The following RIMS2 variants were observed in gnomAD, a reference collection of about 807,000 sequenced individuals.
The protein encoded by RIMS2 is regulating synaptic membrane exocytosis 2.
In RIMS2, 59 loss-of-function variants were observed where a neutral mutation model predicts 174.4. The observed-to-expected ratio is 0.34, with a 90% confidence interval of 0.27 to 0.42. RIMS2 has a LOEUF of 0.42. Among genes scored for constraint, RIMS2 ranks in the 10% least tolerant of loss-of-function variants. RIMS2 has a pLI of 1.00. For missense variants in RIMS2, 1,620 were observed against 1,666.3 expected, an observed-to-expected ratio of 0.97 and a Z score of 0.48; for synonymous variants, 606 against 572.5, an observed-to-expected ratio of 1.06 and a Z score of -0.84.
At chr8:103,846,969 A>C (rs967073434) in intron 3 of RIMS2, among the ~76,000 whole-genome samples, 1 of 152,106 alleles carries the variant, frequency 6.6e-6, no homozygotes, top group African/African-American at 2.4e-5. Flanking sequence ...CTGAATGTCA[A>C]ACATATCCTC....
intron 1 of RIMS2, among the ~76,000 whole-genome samples, chr8:103,612,743 T>A (rs1230541921): frequency 6.6e-6 from 1 of 152,132 alleles, no homozygotes; most frequent in Non-Finnish European, 1.5e-5. Flanking sequence ...CATGCCTGGC[T>A]GATTTTTTAG....
intron 3 of RIMS2, among the ~76,000 whole-genome samples, chr8:103,773,321 A>G (rs982270065): frequency 6.6e-6 from 1 of 152,254 alleles, no homozygotes; most frequent in African/African-American, 2.4e-5. Context: ...AAATTCATTA[A>G]CTTAAAATAA....
rs543914316 is a variant in RIMS2 at position 103,860,971 on chromosome 8, A to G, written c.699-24327A>G. 3.9e-5 allele frequency among the ~76,000 whole-genome samples: 6 copies of G among 151,982 alleles called. 1 individual carries two copies. In the South Asian group the frequency reaches 1.2e-3, roughly 32 times the overall value. ...AGTAGGTTATATTTTTTCTTTTTAT[A>G]TTTTGTTTTTATTTTTTATTTTATT... On this transcript the variant is annotated intron_variant, in intron 3 of 23. Transcript: ENST00000504942.
In RIMS2 at chr8:104,044,088, A is replaced by AG. The variant is rs950729401; in HGVS notation, c.3334+29474dup. Among the ~76,000 whole-genome samples, 45 of 151,630 alleles carry AG rather than the reference A, an allele frequency of 3.0e-4. 1 individual carries two copies. Among genetic ancestry groups the AG allele is most frequent in the African/African-American group, 1.1e-3 (44 of 41,378 alleles). ...CCCCTCAGAATGTTTCCCTCAGGGA[A>AG]GATAGTATTCTTGAAGGGTCAACAT... On this transcript the variant is annotated intron_variant, in intron 19 of 23. Coordinates refer to ENST00000504942, the Ensembl canonical transcript of RIMS2.
chr8:103,961,324 G>T (rs767032900), intron 15 of RIMS2, among the ~76,000 whole-genome samples, 191 bp downstream of exon 17: 4 of 151,998 alleles, frequency 2.6e-5, no homozygotes, highest in Non-Finnish European at 4.4e-5. Context: ...CAATTAGATT[G>T]GATAGTCTTG....
intron 2 of RIMS2, among the ~76,000 whole-genome samples, chr8:103,710,555 G>C (rs1289711254): frequency 2.0e-5 from 3 of 152,092 alleles, no homozygotes; most frequent in Admixed American, 6.5e-5. Flanking sequence ...TTATTGGATA[G>C]TGATGTTAGA....
At chr8:104,162,785 AG>A (rs1162968510) in intron 19 of RIMS2, among the ~76,000 whole-genome samples, 2 of 152,216 alleles carry the variant, frequency 1.3e-5, no homozygotes, top group Admixed American at 6.5e-5. Flanking sequence ...TTTAATTCTG[AG>A]CCAAGAAATA....
chr8:104,204,543 A>C (rs1341193338), intron 19 of RIMS2, among the ~76,000 whole-genome samples: 1 of 151,878 alleles, frequency 6.6e-6, no homozygotes, highest in Non-Finnish European at 1.5e-5. Flanking sequence ...TATATTAAAA[A>C]ATTTACAGAG....
intron 9 of RIMS2, 42 bp from the exon 13 acceptor site, chr8:103,921,630 A>G (rs1208378660): frequency 4.9e-6 from 4 of 815,134 alleles, no homozygotes; most frequent in Non-Finnish European, 8.8e-6. Context: ...ATACTTGTGA[A>G]GAGCCATTGT....
chr8:103,920,134 G>A (rs957264919), intron 9 of RIMS2, among the ~76,000 whole-genome samples: 1 of 152,040 alleles, frequency 6.6e-6, no homozygotes, highest in African/African-American at 2.4e-5. Flanking sequence ...GGAGACAGGG[G>A]TCCTTTCTCA....
intron 16 of RIMS2, among the ~76,000 whole-genome samples, chr8:103,978,917 G>A (rs1427995658): frequency 4.6e-5 from 7 of 151,990 alleles, no homozygotes; most frequent in Admixed American, 6.6e-5. Context: ...TAACATTAAA[G>A]CAAAGAATAC....
chr8:103,834,736 C>CT (rs1564830396), intron 3 of RIMS2, among the ~76,000 whole-genome samples: 2 of 131,798 alleles, frequency 1.5e-5, no homozygotes, highest in African/African-American at 6.1e-5. Flanking sequence ...TTCTTTCTTT[C>CT]TTTCTTTCTC....
At chr8:103,552,556 A>G (rs942790671) in intron 1 of RIMS2, among the ~76,000 whole-genome samples, 1 of 152,254 alleles carries the variant, frequency 6.6e-6, no homozygotes, top group African/African-American at 2.4e-5. Context: ...CTTCATGACT[A>G]AAACACCAAA....
chr8:104,004,544 A>G (rs2095505518), intron 17 of RIMS2, among the ~76,000 whole-genome samples: 1 of 152,178 alleles, frequency 6.6e-6, no homozygotes, highest in African/African-American at 2.4e-5. Flanking sequence ...TAGCCTAAGT[A>G]TGACCAGGAG....
At chr8:103,606,579 C>G (rs931249731) in intron 1 of RIMS2, among the ~76,000 whole-genome samples, 6 of 152,136 alleles carry the variant, frequency 3.9e-5, no homozygotes, top group African/African-American at 1.4e-4. Context: ...TCTCATTGAT[C>G]TGTCTAATAT....
chr8:104,150,303 T>C (rs1317511229), intron 19 of RIMS2, among the ~76,000 whole-genome samples: 2 of 152,206 alleles, frequency 1.3e-5, no homozygotes, highest in African/African-American at 4.8e-5. Context: ...CACTCAGGGT[T>C]CTTATTTATA....
At chr8:103,623,079 G>A (rs561980648) in intron 1 of RIMS2, among the ~76,000 whole-genome samples, 101 of 152,224 alleles carry the variant, frequency 6.6e-4, no homozygotes, top group African/African-American at 2.3e-3. Context: ...GCAGGTGATG[G>A]CAAATTTGAT....
intron 3 of RIMS2, among the ~76,000 whole-genome samples, chr8:103,804,702 T>C (rs1458585831): frequency 2.6e-5 from 4 of 152,188 alleles, no homozygotes; most frequent in Non-Finnish European, 1.5e-5. Context: ...GACTGTGGTA[T>C]TTACCTGCAA....
rs773918535 is a variant in RIMS2, at chr8:103,975,350, A to G, written c.2771A>G (p.Asp924Gly). 8.1e-5 allele frequency: 130 copies of G among 1,608,368 alleles called. No homozygotes were observed. Among genetic ancestry groups the G allele is most frequent in the Non-Finnish European group, 1.1e-4 (127 of 1,175,092 alleles). ...ATATTTATTAATTTTCTACCTTTAG[A>G]TTATCGACATGATGGTCGAGATCTT... Residue 924 changes from aspartate to glycine, a missense_variant and splice_region_variant, in exon 16 of 24, where the codon GAT becomes GGT. By Grantham distance (94) the Asp-to-Gly change is moderately conservative. Coordinates refer to ENST00000504942, the Ensembl canonical transcript of RIMS2.
Sources: gnomAD v4.1 joint callset for allele counts (sites outside exome capture counted in the v4.1 genomes callset) on GRCh38, gnomAD v4.1.1 for gene constraint, MANE v1.5 for transcripts, NCBI Gene and HGNC (gene_info 2026-07-23, HGNC 2026-07-21) for gene names.